SMAP1: variants seen among roughly 807,000 people sequenced by gnomAD.
SMAP1 encodes small ArfGAP 1.
SMAP1 carries 24 observed loss-of-function variants against 58.5 expected under a neutral mutation model. The observed-to-expected ratio is 0.41, with a 90% CI of 0.30 to 0.58. The LOEUF is 0.58. SMAP1 is among the 20% of genes least tolerant of loss of function. SMAP1 has a pLI of 0.29. For missense variants in SMAP1, 563 were observed against 566.3 expected (o/e 0.99, Z 0.06); for synonymous variants, 216 against 196.6 (o/e 1.10, Z -0.82).
At chr6:70,828,552 T>C (rs1210558178) in intron 6 of SMAP1, among the ~76,000 whole-genome samples, 1 of 152,216 alleles carries the variant, frequency 6.6e-6, no homozygotes, top group Non-Finnish European at 1.5e-5. Flanking sequence ...GCAGTTCATA[T>C]GCACAACATA....
intron 6 of SMAP1, among the ~76,000 whole-genome samples, chr6:70,822,523 A>G (rs926304888): frequency 1.3e-5 from 2 of 152,164 alleles, no homozygotes; most frequent in African/African-American, 4.8e-5. Context: ...TATAACATCC[A>G]AAAATAGGAA....
intron 1 of SMAP1, among the ~76,000 whole-genome samples, chr6:70,708,728 C>G (rs1767938799): frequency 6.6e-6 from 1 of 152,072 alleles, no homozygotes; most frequent in African/African-American, 2.4e-5. Context: ...ATGTTGAGTA[C>G]TTTCTGATAT....
chr6:70,773,925 C>T (rs1767438214), intron 4 of SMAP1, among the ~76,000 whole-genome samples: 1 of 152,156 alleles, frequency 6.6e-6, no homozygotes, highest in Admixed American at 6.5e-5. Flanking sequence ...ATCAGGTACC[C>T]ATAACAAGGT....
At chr6:70,769,899 C>T (rs975480685) in intron 3 of SMAP1, among the ~76,000 whole-genome samples, 1 of 151,770 alleles carries the variant, frequency 6.6e-6, no homozygotes, top group African/African-American at 2.4e-5. Flanking sequence ...ACCGGTTGTT[C>T]CTTTCCATGT....
intron 6 of SMAP1, among the ~76,000 whole-genome samples, chr6:70,820,264 A>T (rs1769827311): frequency 6.6e-6 from 1 of 152,100 alleles, no homozygotes; most frequent in Non-Finnish European, 1.5e-5. Flanking sequence ...ATCAGTAGAG[A>T]TATTGTTTAT....
chr6:70,843,073 G>T lies in SMAP1; in HGVS notation c.664+6045G>T, dbSNP rs570146720. The stretch of plus-strand genomic sequence containing the variant: ...GAAGCGCCCAGATGGGGCTTTGGCA[G>T]TCTGTGGTATCTGGCACAGTTGCAT... On this transcript the variant is annotated intron_variant, in intron 7 of 10. Transcript: ENST00000370455. 2.0e-5 allele frequency among the ~76,000 whole-genome samples: 3 copies of T among 152,232 alleles called. No homozygotes were observed. In the South Asian group the frequency reaches 6.2e-4, roughly 32 times the overall value.
intron 3 of SMAP1, among the ~76,000 whole-genome samples, chr6:70,757,460 C>T (rs1472999201): frequency 3.3e-5 from 5 of 151,980 alleles, no homozygotes; most frequent in Non-Finnish European, 7.4e-5. Flanking sequence ...TAGGCATGGG[C>T]AAGGACTTCA....
At chr6:70,738,483 C>T (rs991053487) in intron 2 of SMAP1, among the ~76,000 whole-genome samples, 8 of 149,320 alleles carry the variant, frequency 5.4e-5, no homozygotes, top group Non-Finnish European at 7.4e-5. Flanking sequence ...CCAGTGGATA[C>T]AGGTTTCTAT....
At chr6:70,824,460 C>CT (rs570350631) in intron 6 of SMAP1, among the ~76,000 whole-genome samples, 1 of 151,826 alleles carries the variant, frequency 6.6e-6, no homozygotes, top group African/African-American at 2.4e-5. Context: ...AAATATAAAG[C>CT]TTTTTTTTCT....
At chr6:70,779,057 G>C (rs2149922244) in intron 4 of SMAP1, among the ~76,000 whole-genome samples, 1 of 152,342 alleles carries the variant, frequency 6.6e-6, no homozygotes, top group East Asian at 1.9e-4. Flanking sequence ...TCTGCTCTTG[G>C]AATGGGCAGG....
chr6:70,811,997 A>T (rs1476041598), intron 6 of SMAP1, among the ~76,000 whole-genome samples: 1 of 152,196 alleles, frequency 6.6e-6, no homozygotes, highest in Non-Finnish European at 1.5e-5. Flanking sequence ...GGACAAAGGG[A>T]TGATTCACAT....
intron 2 of SMAP1, among the ~76,000 whole-genome samples, chr6:70,739,487 G>T (rs1046943652): frequency 1.1e-4 from 16 of 151,914 alleles, no homozygotes; most frequent in African/African-American, 3.9e-4. Context: ...CCTTTGCTCG[G>T]TGTTTGATAA....
At chr6:70,767,609 G>C (rs1175273177) in intron 3 of SMAP1, among the ~76,000 whole-genome samples, 4 of 151,440 alleles carry the variant, frequency 2.6e-5, no homozygotes, top group South Asian at 2.1e-4. Context: ...TGTATCCTGA[G>C]ACTTTGCTGA....
Position 70,784,391 on chromosome 6 carries a change from C to G in SMAP1, c.415-7298C>G, listed in dbSNP as rs574721651. ...CTTCAAGGCTAGGAAGAAACTGCAT[C>G]AACTAACAAGCAAAATAACCAGCTA... On this transcript the variant is annotated intron_variant, in intron 4 of 10. Transcript: ENST00000370455. Among the ~76,000 whole-genome samples the G allele has an allele frequency of 1.6e-3, 237 of 152,270 alleles. 1 individual carries two copies. Among genetic ancestry groups the G allele is most frequent in the African/African-American group, 5.5e-3 (227 of 41,568 alleles).
chr6:70,802,377 A>G (rs1768901391), intron 6 of SMAP1, among the ~76,000 whole-genome samples: 1 of 152,198 alleles, frequency 6.6e-6, no homozygotes, highest in Non-Finnish European at 1.5e-5. Context: ...AACTTTGCTG[A>G]AGTTGCTTAT....
At chr6:70,759,962 G>A (rs997450285) in intron 3 of SMAP1, 24 of 372,454 alleles carry the variant, frequency 6.4e-5, no homozygotes, top group African/African-American at 4.4e-4. Flanking sequence ...GTGACATAGA[G>A]CATAATATTT....
At chr6:70,847,726 C>T (rs994909435) in intron 7 of SMAP1, among the ~76,000 whole-genome samples, 8 of 152,140 alleles carry the variant, frequency 5.3e-5, no homozygotes, top group Non-Finnish European at 1.0e-4. Flanking sequence ...CCAGCTGTTT[C>T]TGCATACTAA....
intron 1 of SMAP1, among the ~76,000 whole-genome samples, chr6:70,706,391 C>T (rs372145041): frequency 2.6e-5 from 4 of 152,022 alleles, no homozygotes; most frequent in South Asian, 2.1e-4. Flanking sequence ...TAGTGAAGAT[C>T]GTGTTTGTTA....
chr6:70,689,392 A>G (rs776655494), intron 1 of SMAP1, among the ~76,000 whole-genome samples: 1 of 152,152 alleles, frequency 6.6e-6, no homozygotes, highest in Non-Finnish European at 1.5e-5. Context: ...TCCAGGAGGG[A>G]GCACTTCTGA....
Sources: gnomAD v4.1 joint callset for allele counts (sites outside exome capture counted in the v4.1 genomes callset) on GRCh38, gnomAD v4.1.1 for gene constraint, MANE v1.5 for transcripts, NCBI Gene and HGNC (gene_info 2026-07-23, HGNC 2026-07-21) for gene names.